FTCDNL1: variants seen among roughly 807,000 people sequenced by gnomAD.
FTCDNL1 encodes the protein formiminotransferase cyclodeaminase N-terminal like.
In FTCDNL1, 11 loss-of-function variants were observed where a neutral mutation model predicts 5.9. The observed-to-expected ratio is 1.87, with a 90% CI of 1.18 to 3.10. The LOEUF is 3.10. FTCDNL1 is among the 30% of genes most tolerant of loss of function. The pLI is 0.00. For missense variants in FTCDNL1, 115 were observed against 65.5 expected (o/e 1.76, Z -2.61); for synonymous variants, 58 against 24.8 (o/e 2.34, Z -3.99).
intron 3 of FTCDNL1, among the ~76,000 whole-genome samples, chr2:199,793,535 T>C (rs539558804): frequency 1.9e-5 from 2 of 106,250 alleles, no homozygotes; most frequent in Non-Finnish European, 4.3e-5. Flanking sequence ...TTTTCCCTTA[T>C]GAATTTTCAC....
the FTCDNL1 span, among the ~76,000 whole-genome samples, chr2:199,737,747 A>C: frequency 4.6e-5 from 7 of 152,170 alleles, no homozygotes; most frequent in Non-Finnish European, 1.5e-5. Flanking sequence ...TGCTGGCATC[A>C]TTTTGAAAGG....
At chr2:199,685,883 T>A in the FTCDNL1 span, among the ~76,000 whole-genome samples, 3 of 152,322 alleles carry the variant, frequency 2.0e-5, no homozygotes, top group East Asian at 5.8e-4. Flanking sequence ...ACAGACTCCT[T>A]TTAACCTGAT....
the FTCDNL1 span, among the ~76,000 whole-genome samples, chr2:199,684,581 TG>T: frequency 3.3e-5 from 5 of 152,110 alleles, no homozygotes; most frequent in African/African-American, 1.2e-4. Flanking sequence ...GGCAATGGGG[TG>T]GGCCACAGAA....
the FTCDNL1 span, among the ~76,000 whole-genome samples, chr2:199,687,543 T>C: frequency 6.6e-6 from 1 of 152,222 alleles, no homozygotes; most frequent in African/African-American, 2.4e-5. Context: ...TTTGCCTCTT[T>C]GGTCATTGGC....
At chr2:199,849,979 C>CT (rs1353964948) in intron 1 of FTCDNL1, among the ~76,000 whole-genome samples, 1 of 152,178 alleles carries the variant, frequency 6.6e-6, no homozygotes, top group Non-Finnish European at 1.5e-5. Flanking sequence ...TGGTCTAACT[C>CT]TGAGACACGC....
chr2:199,793,852 T>G (rs553303441), intron 3 of FTCDNL1, among the ~76,000 whole-genome samples: 192 of 152,336 alleles, frequency 1.3e-3, no homozygotes, highest in Non-Finnish European at 2.3e-3. Context: ...AGAGCTATTA[T>G]TTTAACAGAT....
rs1325135181 is a variant in FTCDNL1 at position 199,811,602 on chromosome 2, T to A, written c.*1103A>T. ...GTTATTCACATGCAATTCATCAGCC[T>A]GAGGGAGCAAGTCACTTTCAAAGGA... On this transcript the variant is annotated 3_prime_UTR_variant, in exon 5 of 5. Transcript: ENST00000420128. Among the ~76,000 whole-genome samples the A allele has an allele frequency of 6.6e-6, 1 of 152,236 alleles. No homozygotes were observed. Among genetic ancestry groups the A allele is most frequent in the Non-Finnish European group, 1.5e-5 (1 of 68,050 alleles).
chr2:199,737,837 T>C, the FTCDNL1 span, among the ~76,000 whole-genome samples: 1 of 152,228 alleles, frequency 6.6e-6, no homozygotes, highest in Non-Finnish European at 1.5e-5. Flanking sequence ...TGCCTGGGTG[T>C]GACCTATTAC....
downstream of FTCDNL1, among the ~76,000 whole-genome samples, chr2:199,807,961 C>T (rs1244944918): frequency 6.6e-6 from 1 of 151,962 alleles, no homozygotes; most frequent in Non-Finnish European, 1.5e-5. Flanking sequence ...ACTGAATTAT[C>T]GGGGGTGCAT....
At chr2:199,738,867 T>C in the FTCDNL1 span, among the ~76,000 whole-genome samples, 1 of 152,190 alleles carries the variant, frequency 6.6e-6, no homozygotes, top group African/African-American at 2.4e-5. Context: ...TAAGACCCAC[T>C]TAACTCTTCC....
chr2:199,756,535 T>C (rs1431255373), downstream of FTCDNL1, among the ~76,000 whole-genome samples: 1 of 152,218 alleles, frequency 6.6e-6, no homozygotes, highest in Non-Finnish European at 1.5e-5. Flanking sequence ...TAAAGTCCTA[T>C]GTTAACCTGG....
chr2:199,677,152 A>G, the FTCDNL1 span, among the ~76,000 whole-genome samples: 1 of 152,280 alleles, frequency 6.6e-6, no homozygotes, highest in South Asian at 2.1e-4. Flanking sequence ...TCTATATAAC[A>G]TGTATGTAGA....
chr2:199,680,563 T>C, the FTCDNL1 span, among the ~76,000 whole-genome samples: 1 of 152,158 alleles, frequency 6.6e-6, no homozygotes, highest in Admixed American at 6.5e-5. Flanking sequence ...TCACAGAGAA[T>C]AAATTTAGAC....
chr2:199,756,138 C>G (rs1422719237), downstream of FTCDNL1, among the ~76,000 whole-genome samples: 1 of 152,160 alleles, frequency 6.6e-6, no homozygotes, highest in Non-Finnish European at 1.5e-5. Context: ...ATATGCATTT[C>G]ATTGGGGTAA....
the FTCDNL1 span, among the ~76,000 whole-genome samples, chr2:199,746,251 C>T: frequency 6.6e-6 from 1 of 152,218 alleles, no homozygotes; most frequent in Non-Finnish European, 1.5e-5. Flanking sequence ...AGAAACTCAC[C>T]CTCTCCAAAT....
the FTCDNL1 span, among the ~76,000 whole-genome samples, chr2:199,732,125 G>T: frequency 6.6e-6 from 1 of 152,114 alleles, no homozygotes; most frequent in Admixed American, 6.5e-5. Context: ...TCTTCATATG[G>T]AAAGAATATT....
intron 3 of FTCDNL1, among the ~76,000 whole-genome samples, chr2:199,789,315 G>T: frequency 6.6e-6 from 1 of 152,088 alleles, no homozygotes; most frequent in East Asian, 1.9e-4. Flanking sequence ...ATGCAAGACG[G>T]TTTAATGGTA....
intron 3 of FTCDNL1, among the ~76,000 whole-genome samples, chr2:199,781,974 A>G (rs1699388189): frequency 1.3e-5 from 2 of 152,038 alleles, no homozygotes; most frequent in Non-Finnish European, 2.9e-5. Context: ...TAGTAGAGAC[A>G]GGGTTCCACC....
the FTCDNL1 span, among the ~76,000 whole-genome samples, chr2:199,716,942 G>C: frequency 6.6e-6 from 1 of 152,100 alleles, no homozygotes; most frequent in Non-Finnish European, 1.5e-5. Context: ...GCAAAGTTCT[G>C]ACTCCTGTAG....
Sources: allele counts gnomAD v4.1 joint callset (sites outside exome capture counted in the v4.1 genomes callset), GRCh38; gene constraint gnomAD v4.1.1; transcripts MANE v1.5; gene names NCBI Gene and HGNC (gene_info 2026-07-23, HGNC 2026-07-21).